The following LRRC37A2 variants were observed in gnomAD, a reference collection of about 807,000 sequenced individuals.
LRRC37A2 encodes leucine rich repeat containing 37 member A2, also known as leucine-rich repeat-containing protein 37A2.
LRRC37A2 carries 9 observed loss-of-function variants against 68.8 expected under a neutral mutation model. That is an observed-to-expected ratio of 0.13 (90% CI 0.08 to 0.23). The LOEUF (loss-of-function observed/expected upper bound fraction) is 0.23, where lower values mean the gene tolerates loss of function less well. Ranked by LOEUF, LRRC37A2 falls within the 10% of genes least tolerant of loss-of-function variation. The pLI, the probability that LRRC37A2 is intolerant of heterozygous loss-of-function variation, is 1.00. For synonymous variants in LRRC37A2, 63 were observed against 367.6 expected, an observed-to-expected ratio of 0.17 and a Z score of 9.48; for missense variants, 168 against 950.4, an observed-to-expected ratio of 0.18 and a Z score of 10.82.
chr17:46,727,272 C>G, the LRRC37A2 span, among the ~76,000 whole-genome samples: 1 of 152,126 alleles, frequency 6.6e-6, no homozygotes, highest in African/African-American at 2.4e-5. Context: ...TGGCACTTAA[C>G]TCATAAGAAA....
chr17:46,905,216 G>T, the LRRC37A2 span, among the ~76,000 whole-genome samples: 1 of 152,002 alleles, frequency 6.6e-6, no homozygotes, highest in Non-Finnish European at 1.5e-5. Context: ...GGGATTAAAG[G>T]TGCCTACCAC....
the LRRC37A2 span, chr17:46,938,616 C>A: frequency 6.2e-7 from 1 of 1,613,916 alleles, no homozygotes. Flanking sequence ...AGAAGAAGAT[C>A]CTTGACATTG....
the LRRC37A2 span, among the ~76,000 whole-genome samples, chr17:46,900,200 T>C: frequency 0.42 from 41,712 of 99,770 alleles, 9,143 homozygotes; most frequent in Non-Finnish European, 0.53. Context: ...TATATATATA[T>C]ATACACACAC....
the LRRC37A2 span, among the ~76,000 whole-genome samples, chr17:46,794,500 CA>C: frequency 6.6e-6 from 1 of 152,156 alleles, no homozygotes; most frequent in African/African-American, 2.4e-5. Flanking sequence ...GCTGAGGAGC[CA>C]AAGAACATAG....
At chr17:46,708,031 C>T in the LRRC37A2 span, among the ~76,000 whole-genome samples, 1 of 85,558 alleles carries the variant, frequency 1.2e-5, no homozygotes, top group Non-Finnish European at 2.6e-5. Context: ...GACCCTGTCT[C>T]AAAAAAAAAA....
At chr17:46,878,883 G>A in the LRRC37A2 span, among the ~76,000 whole-genome samples, 1 of 152,314 alleles carries the variant, frequency 6.6e-6, no homozygotes, top group East Asian at 1.9e-4. Context: ...ATGGCACAGT[G>A]CAGGTTCTGA....
At chr17:46,823,121 TTATATATTA>T in the LRRC37A2 span, among the ~76,000 whole-genome samples, 14 of 131,428 alleles carry the variant, frequency 1.1e-4, no homozygotes, top group South Asian at 2.2e-4. Flanking sequence ...ATATTATATA[TTATATATTA>T]TATATATTAT....
chr17:47,026,687 C>G, the LRRC37A2 span, among the ~76,000 whole-genome samples: 4 of 152,070 alleles, frequency 2.6e-5, no homozygotes, highest in Non-Finnish European at 4.4e-5. Flanking sequence ...GAATAAATTT[C>G]TTTTATGAAA....
rs2052626221 is a variant in LRRC37A2, at chr17:46,525,616, T to TA, written c.2906+1732_2906+1733insA. Among the ~76,000 whole-genome samples, 3 of 88,068 alleles carry TA rather than the reference T, an allele frequency of 3.4e-5. No individual in the cohort carries two copies. In the East Asian group the frequency reaches 7.4e-4, roughly 22 times the overall value. 57.8% of individuals were successfully genotyped at this position (88,068 alleles called of 152,430 possible). ...AATAATAATAATATAATAATAATAA[T>TA]CATCATCATCATCATCATCATCATC... is the stretch of plus-strand genomic sequence containing the variant. On this transcript the variant is annotated intron_variant, in intron 6 of 14. Coordinates refer to ENST00000576629, the Ensembl canonical transcript of LRRC37A2.
At chr17:47,018,311 C>T in the LRRC37A2 span, 60 of 1,610,950 alleles carry the variant, frequency 3.7e-5, no homozygotes, top group Non-Finnish European at 3.9e-5. Context: ...CTGGGGAGGT[C>T]GAATCTTCTC....
chr17:47,014,202 C>T, the LRRC37A2 span, among the ~76,000 whole-genome samples: 1 of 151,930 alleles, frequency 6.6e-6, no homozygotes, highest in Admixed American at 6.6e-5. Context: ...CCAGCCTGGC[C>T]AACATGGTGA....
chr17:46,798,593 A>G, the LRRC37A2 span, among the ~76,000 whole-genome samples: 1 of 152,208 alleles, frequency 6.6e-6, no homozygotes, highest in Non-Finnish European at 1.5e-5. Context: ...TTGGATGCAC[A>G]CAGTGACTGC....
At chr17:46,947,855 G>A in the LRRC37A2 span, among the ~76,000 whole-genome samples, 1 of 152,104 alleles carries the variant, frequency 6.6e-6, no homozygotes, top group Non-Finnish European at 1.5e-5. Context: ...CGTAACCTCC[G>A]CCTCCCGGGT....
the LRRC37A2 span, among the ~76,000 whole-genome samples, chr17:46,708,463 T>C: frequency 6.6e-6 from 1 of 151,906 alleles, no homozygotes; most frequent in Non-Finnish European, 1.5e-5. Flanking sequence ...TATCTTTTCA[T>C]ATGCTTATCA....
the LRRC37A2 span, among the ~76,000 whole-genome samples, chr17:46,824,722 G>A: frequency 6.6e-6 from 1 of 152,242 alleles, no homozygotes; most frequent in African/African-American, 2.4e-5. Context: ...GGGCCCAGAG[G>A]AGAGGGAGCA....
the LRRC37A2 span, chr17:47,017,878 C>G: frequency 6.2e-7 from 1 of 1,612,052 alleles, no homozygotes. Context: ...AATCCAGAGA[C>G]CCTTGAAGAC....
chr17:47,006,189 T>C, the LRRC37A2 span, among the ~76,000 whole-genome samples: 989 of 152,152 alleles, frequency 6.5e-3, 8 homozygotes, highest in African/African-American at 0.022. Context: ...AATTTTTTTT[T>C]CCCTCTGTTT....
chr17:46,893,254 T>C, the LRRC37A2 span, among the ~76,000 whole-genome samples: 10 of 152,184 alleles, frequency 6.6e-5, no homozygotes. Context: ...TCTTAAGAAG[T>C]ACCTGGTGCT....
chr17:46,939,041 C>G, the LRRC37A2 span: 1 of 1,270,636 alleles, frequency 7.9e-7, no homozygotes, highest in Non-Finnish European at 1.0e-6. Flanking sequence ...GAAAGAATGG[C>G]TTTGGTGGCT....
Sources: gnomAD v4.1 joint callset for allele counts (sites outside exome capture counted in the v4.1 genomes callset) on GRCh38, gnomAD v4.1.1 for gene constraint, MANE v1.5 for transcripts, NCBI Gene and HGNC (gene_info 2026-07-23, HGNC 2026-07-21) for gene names.